ZNF226: variants seen among roughly 807,000 people sequenced by gnomAD.
The protein encoded by ZNF226 is Kruppel-associated box protein.
A neutral mutation model predicts 11.4 loss-of-function variants in ZNF226; 6 were observed. That is an observed-to-expected ratio of 0.53 (90% CI 0.29 to 1.04). The LOEUF is 1.04. Ranked by LOEUF, ZNF226 falls within the 50% of genes least tolerant of loss-of-function variation. The pLI is 0.08. For synonymous variants in ZNF226, 350 were observed against 322.8 expected (o/e 1.08, Z -0.90); for missense variants, 1,058 against 956.5 (o/e 1.11, Z -1.40).
the ZNF226 span, among the ~76,000 whole-genome samples, chr19:44,190,106 T>G: frequency 6.6e-6 from 1 of 152,330 alleles, no homozygotes; most frequent in Non-Finnish European, 1.5e-5. Context: ...ATTATAGTCC[T>G]TTTCTAGAAA....
chr19:44,176,330 C>T lies in ZNF226; in HGVS notation c.1068C>T (p.Val356=). 1 of 1,614,162 alleles carries T rather than the reference C, an allele frequency of 6.2e-7. No homozygotes were observed. Among genetic ancestry groups the T allele is most frequent in the Non-Finnish European group, 8.5e-7 (1 of 1,180,022 alleles). The stretch of plus-strand genomic sequence containing the variant: ...CAGCACTTAATGTTCATTGCAAGGT[C>T]CACACGGCAGAGAAACCTTATAATT... ...RRSALNVHCK[V]HTAEKPYNCE... The change falls in exon 6 of 6, where the codon GTC becomes GTT. Residue 356 remains valine, a synonymous_variant. Transcript: ENST00000337433.
chr19:44,183,118 A>G (rs777879604), downstream of ZNF226, among the ~76,000 whole-genome samples: 17 of 152,156 alleles, frequency 1.1e-4, no homozygotes, highest in Non-Finnish European at 2.1e-4. Flanking sequence ...AACCATATTT[A>G]ATGGAGCTGT....
chr19:44,172,018 C>A, intron 3 of ZNF226, 70 bp from the exon 4 acceptor site: 1 of 1,575,206 alleles, frequency 6.3e-7, no homozygotes. Context: ...AACTTTCCAC[C>A]TGTTCTCAGT....
chr19:44,174,517 T>TA (rs1378461077), intron 5 of ZNF226: 7 of 152,376 alleles, frequency 4.6e-5, no homozygotes, highest in Admixed American at 1.3e-4. Flanking sequence ...AAATGGATCT[T>TA]ACATTGTTGC....
At chr19:44,181,459 A>G (rs1049295840), downstream of ZNF226, among the ~76,000 whole-genome samples, 4 of 143,970 alleles carry the variant, frequency 2.8e-5, no homozygotes, top group Non-Finnish European at 4.4e-5. Context: ...AGATTTTTCT[A>G]TCTTAGCTTT....
the ZNF226 span, among the ~76,000 whole-genome samples, chr19:44,191,519 T>C: frequency 6.6e-6 from 1 of 152,162 alleles, no homozygotes; most frequent in African/African-American, 2.4e-5. Context: ...GCCAAATTAG[T>C]TTAACATCTC....
chr19:44,165,518 A>G (rs909254604), intron 1 of ZNF226: 2 of 152,210 alleles, frequency 1.3e-5, no homozygotes, highest in Admixed American at 1.3e-4. Flanking sequence ...TTTTGAGAGA[A>G]AACGAGGTAA....
At chr19:44,181,801 C>A (rs1970910158), downstream of ZNF226, among the ~76,000 whole-genome samples, 1 of 152,144 alleles carries the variant, frequency 6.6e-6, no homozygotes, top group African/African-American at 2.4e-5. Context: ...GAGATGGTTT[C>A]CTTGCAAAAG....
intron 5 of ZNF226, chr19:44,175,223 G>A: frequency 7.1e-7 from 1 of 1,401,830 alleles, no homozygotes; most frequent in Non-Finnish European, 9.2e-7. Flanking sequence ...TGGTAGGAAA[G>A]ACATGGAATA....
rs1449040954 is a variant in ZNF226 at position 44,177,452 on chromosome 19, T to A, written c.2190T>A (p.Asp730Glu). The A allele has an allele frequency of 8.1e-6, 13 of 1,614,176 alleles. No homozygotes were observed. Among genetic ancestry groups the A allele is most frequent in the Non-Finnish European group, 1.1e-5 (13 of 1,180,022 alleles). The change falls in exon 6 of 6, where the codon GAT becomes GAA. Residue 730 changes from aspartate to glutamate, a missense_variant. By Grantham distance (45) the Asp-to-Glu change is conservative. Transcript: ENST00000337433. Reference sequence around the variant, plus strand: ...CAGGAGAGAAACCATACAAATGTGATGTGTGTGGTAAAGTCTTCAGTCGGT... The same window carrying A: ...CAGGAGAGAAACCATACAAATGTGAAGTGTGTGGTAAAGTCTTCAGTCGGT... ...VHTGEKPYKCDVCGKVFSRSS... is the reference protein window; with the variant it reads ...VHTGEKPYKCEVCGKVFSRSS...
intron 5 of ZNF226, chr19:44,175,224 A>ACATGGAAT (rs1037946804): frequency 1.4e-6 from 2 of 1,402,408 alleles, no homozygotes; most frequent in African/African-American, 2.9e-5. Context: ...GGTAGGAAAG[A>ACATGGAAT]CATGGAATAA....
At chr19:44,173,300 T>G (rs983498754) in intron 5 of ZNF226, 11 of 352,902 alleles carry the variant, frequency 3.1e-5, no homozygotes, top group Admixed American at 4.9e-5. Flanking sequence ...ATACTCTCTT[T>G]CTGTGAATTC....
At chr19:44,183,187 G>A (rs752404099), downstream of ZNF226, among the ~76,000 whole-genome samples, 8 of 152,194 alleles carry the variant, frequency 5.3e-5, no homozygotes, top group Admixed American at 2.0e-4. Context: ...CACTAGAGCT[G>A]AATTGACATT....
intron 2 of ZNF226, among the ~76,000 whole-genome samples, chr19:44,168,237 T>A (rs1969636486): frequency 9.3e-6 from 1 of 107,942 alleles, no homozygotes; most frequent in Admixed American, 1.1e-4. Flanking sequence ...TCAAAGTAGT[T>A]TTTTGTTTTG....
chr19:44,196,462 G>C, the ZNF226 span, among the ~76,000 whole-genome samples: 2 of 152,090 alleles, frequency 1.3e-5, no homozygotes, highest in Non-Finnish European at 2.9e-5. Context: ...ACTAACACTG[G>C]ACCTCAGATA....
the ZNF226 span, among the ~76,000 whole-genome samples, chr19:44,194,476 G>A: frequency 6.6e-6 from 1 of 151,940 alleles, no homozygotes. Flanking sequence ...ACAGGGTCTT[G>A]TTATGTTGCC....
chr19:44,178,344 CTT>C (rs1395717504), downstream of ZNF226: 3 of 152,168 alleles, frequency 2.0e-5, no homozygotes, highest in African/African-American at 4.8e-5. Flanking sequence ...ACATACTACA[CTT>C]ATTTTTTCAA....
chr19:44,184,281 A>G, the ZNF226 span, among the ~76,000 whole-genome samples: 1 of 152,188 alleles, frequency 6.6e-6, no homozygotes, highest in Non-Finnish European at 1.5e-5. Flanking sequence ...GGCCATGTTC[A>G]TTAGATTCCT....
the ZNF226 span, among the ~76,000 whole-genome samples, chr19:44,190,610 C>G: frequency 6.6e-6 from 1 of 152,188 alleles, no homozygotes; most frequent in Non-Finnish European, 1.5e-5. Context: ...GCTGGGATTA[C>G]AGGTGTGAGC....
Sources: gnomAD v4.1 joint callset for allele counts (sites outside exome capture counted in the v4.1 genomes callset) on GRCh38, gnomAD v4.1.1 for gene constraint, MANE v1.5 for transcripts, NCBI Gene and HGNC (gene_info 2026-07-23, HGNC 2026-07-21) for gene names.